CMIP: variants seen among roughly 807,000 people sequenced by gnomAD.
The protein encoded by CMIP is c-Maf inducing protein, also known as C-Maf-inducing protein.
Under a neutral mutation model 97.3 loss-of-function variants are expected in CMIP, and 13 were observed. The observed-to-expected ratio is 0.13, with a 90% confidence interval of 0.09 to 0.21. CMIP has a LOEUF of 0.21. Among genes scored for constraint, CMIP ranks in the 10% least tolerant of loss-of-function variants. The probability of loss-of-function intolerance (pLI) is 1.00; values close to 1 mark genes in which losing one functional copy is unlikely to be tolerated. For missense variants in CMIP, 847 were observed against 1,024.9 expected (o/e 0.83, Z 2.37); for synonymous variants, 538 against 436.3 (o/e 1.23, Z -2.91).
intron 1 of CMIP, among the ~76,000 whole-genome samples, chr16:81,488,152 G>T (rs899187109): frequency 2.0e-5 from 3 of 151,734 alleles, no homozygotes; most frequent in African/African-American, 7.3e-5. Flanking sequence ...TACTAAAGAT[G>T]AGTACATTGT....
chr16:81,582,668 C>T (rs150722173), intron 1 of CMIP, among the ~76,000 whole-genome samples: 4 of 152,222 alleles, frequency 2.6e-5, no homozygotes, highest in Non-Finnish European at 5.9e-5. Flanking sequence ...CACACTCTAA[C>T]TCTTTGGTTG....
chr16:81,652,114 C>T lies in CMIP; in HGVS notation c.478-89C>T, dbSNP rs997481435. The T allele has an allele frequency of 9.0e-7, 1 of 1,106,422 alleles. No individual in the cohort carries two copies. The highest frequency in any genetic ancestry group is 1.3e-6 in the Non-Finnish European group (1 of 746,354). The allele number at this position is 1,106,422 out of a possible 1,614,324, so 68.5% of individuals were successfully genotyped here. On this transcript the variant is annotated intron_variant, in intron 3 of 20. Transcript: ENST00000537098. This position sits in a 1 kb window ranked among gnomAD's most constrained non-coding sequence, Gnocchi z 5.2. ...GTCAGTTTCTCAGGGCCCTTTACAC[C>T]CTAACCCATCTGATTCTTTGATTGT...
At chr16:81,543,003 C>T (rs1200214702) in intron 1 of CMIP, among the ~76,000 whole-genome samples, 5 of 152,216 alleles carry the variant, frequency 3.3e-5, no homozygotes, top group Non-Finnish European at 7.3e-5. Flanking sequence ...CTGCCCCAGG[C>T]CTAGCGAGAG....
At position 81,642,873 on chromosome 16, in the gene CMIP, G is replaced by A. The variant is rs1161403874; in HGVS notation, c.478-9330G>A. ...ATCGCACCACTGCACTCCAGCCTGG[G>A]TAACAGAGTGAGACTCCATCTCGCA... On this transcript the variant is annotated intron_variant, in intron 3 of 20. Coordinates refer to ENST00000537098, the MANE Select transcript of CMIP (RefSeq NM_198390.3). 2.6e-5 allele frequency among the ~76,000 whole-genome samples: 4 copies of A among 152,174 alleles called. No homozygotes were observed. In the East Asian group the frequency reaches 7.7e-4, roughly 29 times the overall value.
intron 3 of CMIP, among the ~76,000 whole-genome samples, chr16:81,628,405 C>T (rs2092104126): frequency 6.6e-6 from 1 of 152,260 alleles, no homozygotes; most frequent in Non-Finnish European, 1.5e-5. Context: ...GTCCTCGAGC[C>T]ATGATGGACA....
chr16:81,563,471 G>A (rs941388510), intron 1 of CMIP, among the ~76,000 whole-genome samples: 7 of 152,332 alleles, frequency 4.6e-5, no homozygotes, highest in South Asian at 2.1e-4. Context: ...GACCAGCAGC[G>A]TCAGCCTCAC....
intron 10 of CMIP, among the ~76,000 whole-genome samples, chr16:81,681,669 G>T (rs142579447): frequency 2.2e-3 from 329 of 152,344 alleles, no homozygotes; most frequent in Non-Finnish European, 3.5e-3. Context: ...CAGTAAGAGT[G>T]CTTTGAGAGA....
In CMIP at chr16:81,510,020, T is replaced by C. The variant is rs967166669; in HGVS notation, c.300+64479T>C. The stretch of plus-strand genomic sequence containing the variant: ...TGGCAAATTGAACCTCATTTTCTGA[T>C]CAATTTCCATCAGGATTTTAGATGA... On this transcript the variant is annotated intron_variant, in intron 1 of 20. Transcript: ENST00000537098. Among the ~76,000 whole-genome samples the C allele has an allele frequency of 2.0e-5, 3 of 152,340 alleles. No homozygotes were observed. In the South Asian group the frequency reaches 6.2e-4, roughly 32 times the overall value.
chr16:81,641,628 G>T (rs553391445), intron 3 of CMIP, among the ~76,000 whole-genome samples: 1 of 152,178 alleles, frequency 6.6e-6, no homozygotes, highest in African/African-American at 2.4e-5. Flanking sequence ...CTGAGTTCCC[G>T]CTGTTTCCCT....
chr16:81,571,422 C>G (rs1436995192), intron 1 of CMIP, among the ~76,000 whole-genome samples: 1 of 151,832 alleles, frequency 6.6e-6, no homozygotes, highest in African/African-American at 2.4e-5. Flanking sequence ...GAGCAGGGAT[C>G]ACGTCACTGC....
intron 1 of CMIP, among the ~76,000 whole-genome samples, chr16:81,590,822 C>CCCA (rs2091455001): frequency 1.5e-5 from 2 of 133,066 alleles, no homozygotes; most frequent in Non-Finnish European, 3.2e-5. Flanking sequence ...CTCACTTTCT[C>CCCA]TCATCCATCC....
At chr16:81,500,602 C>T (rs777392913) in intron 1 of CMIP, among the ~76,000 whole-genome samples, 44 of 151,770 alleles carry the variant, frequency 2.9e-4, no homozygotes, top group Admixed American at 1.1e-3. Context: ...GATTCTCCTG[C>T]CTCAGCCTCC....
chr16:81,467,752 T>A (rs529124993), intron 1 of CMIP, among the ~76,000 whole-genome samples: 6 of 152,008 alleles, frequency 3.9e-5, no homozygotes, highest in African/African-American at 1.4e-4. Flanking sequence ...GGCTACTTTT[T>A]AAATTTTTAT....
intron 1 of CMIP, among the ~76,000 whole-genome samples, chr16:81,461,552 A>T (rs1051586667): frequency 3.3e-5 from 5 of 152,192 alleles, no homozygotes; most frequent in African/African-American, 1.2e-4. Context: ...GCCATTCTTG[A>T]TGTAGCCCAG....
chr16:81,559,523 C>G (rs775396241), intron 1 of CMIP, among the ~76,000 whole-genome samples: 1 of 152,144 alleles, frequency 6.6e-6, no homozygotes, highest in African/African-American at 2.4e-5. Flanking sequence ...GTGACGTGGT[C>G]GGTGTGTGAT....
At chr16:81,654,543 A>T (rs1386819811) in intron 4 of CMIP, among the ~76,000 whole-genome samples, 2 of 152,202 alleles carry the variant, frequency 1.3e-5, no homozygotes, top group Non-Finnish European at 2.9e-5. Flanking sequence ...TACTCACCCT[A>T]CTTTACTGAA....
rs562426379 is a variant in CMIP at position 81,477,678 on chromosome 16, C to T, written c.300+32137C>T. On this transcript the variant is annotated intron_variant, in intron 1 of 20. Transcript: ENST00000537098. ...CAGCAGAAGCTTGTTTGTTTTCTCT[C>T]GTATAAAGGAAATCTAGGGTCTAAG... 1.2e-4 allele frequency among the ~76,000 whole-genome samples: 19 copies of T among 152,330 alleles called. No homozygotes were observed. In the South Asian group the frequency reaches 2.9e-3, roughly 23 times the overall value.
chr16:81,615,507 CTG>C (rs1053506528), intron 2 of CMIP, among the ~76,000 whole-genome samples: 102 of 94,590 alleles, frequency 1.1e-3, no homozygotes, highest in Middle Eastern at 0.01. Flanking sequence ...GTGTGTGTGT[CTG>C]TGTGCAGGTG....
At chr16:81,470,733 C>A (rs999160127) in intron 1 of CMIP, among the ~76,000 whole-genome samples, 1 of 152,214 alleles carries the variant, frequency 6.6e-6, no homozygotes, top group African/African-American at 2.4e-5. Context: ...GCTGGGATTA[C>A]GAGCATGAGC....
Sources: allele counts gnomAD v4.1 joint callset (sites outside exome capture counted in the v4.1 genomes callset), GRCh38; gene constraint gnomAD v4.1.1; non-coding constraint Gnocchi (gnomAD v3.1); transcripts MANE v1.5; gene names NCBI Gene and HGNC (gene_info 2026-07-23, HGNC 2026-07-21).